Variants in SOX6 observed in about 807,000 individuals in gnomAD.
SOX6 encodes the protein transcription factor SOX-6.
A neutral mutation model predicts 97.8 loss-of-function variants in SOX6; 11 were observed. The observed-to-expected ratio is 0.11, with a 90% confidence interval of 0.07 to 0.19. The LOEUF is 0.19. Ranked by LOEUF, SOX6 falls within the 10% of genes least tolerant of loss-of-function variation. SOX6 has a pLI of 1.00. For synonymous variants in SOX6, 360 were observed against 371.4 expected, an observed-to-expected ratio of 0.97 and a Z score of 0.35; for missense variants, 810 against 1,039.5, an observed-to-expected ratio of 0.78 and a Z score of 3.04.
At chr11:15,990,211 G>A (rs1208888484) in intron 13 of SOX6, among the ~76,000 whole-genome samples, 3 of 151,852 alleles carry the variant, frequency 2.0e-5, no homozygotes, top group Non-Finnish European at 2.9e-5. Context: ...TGATTATGCT[G>A]TACTTATTCT....
At chr11:16,190,232 A>C (rs1424516959) in intron 4 of SOX6, among the ~76,000 whole-genome samples, 1 of 152,240 alleles carries the variant, frequency 6.6e-6, no homozygotes, top group Non-Finnish European at 1.5e-5. Context: ...ACGTTTAAGA[A>C]GAAAATGCAG....
At chr11:16,214,008 A>T (rs1852299108) in intron 4 of SOX6, among the ~76,000 whole-genome samples, 1 of 152,224 alleles carries the variant, frequency 6.6e-6, no homozygotes, top group African/African-American at 2.4e-5. Context: ...ATAGAAGAAC[A>T]CTGTCCAATA....
At chr11:16,318,983 A>T (rs1281338348) in intron 2 of SOX6, among the ~76,000 whole-genome samples, 3 of 152,192 alleles carry the variant, frequency 2.0e-5, no homozygotes, top group Non-Finnish European at 2.9e-5. Flanking sequence ...CCTTTCATTC[A>T]AATTAGTTCA....
intron 6 of SOX6, among the ~76,000 whole-genome samples, chr11:16,135,015 T>C (rs546333652): frequency 1.3e-5 from 2 of 152,330 alleles, no homozygotes; most frequent in South Asian, 2.1e-4. Context: ...TTTACCATTC[T>C]GAAAATCCTA....
chr11:16,527,426 C>T (rs1861183444), intron 4 of SOX6, among the ~76,000 whole-genome samples: 1 of 151,992 alleles, frequency 6.6e-6, no homozygotes, highest in Non-Finnish European at 1.5e-5. Context: ...TATACTTGCT[C>T]AGTAATCCTG....
At chr11:16,015,446 G>T (rs993621959) in intron 12 of SOX6, 1 of 202,656 alleles carries the variant, frequency 4.9e-6, no homozygotes, top group African/African-American at 2.3e-5. Context: ...CTCATTTAGA[G>T]ATCATAGTTT....
chr11:16,151,163 T>C (rs17536538), intron 6 of SOX6, among the ~76,000 whole-genome samples: 10,191 of 152,190 alleles, frequency 0.067, 392 homozygotes, highest in Non-Finnish European at 0.096. Context: ...TTTAATGACA[T>C]TGGGTCACAG....
chr11:16,276,486 A>C (rs1420743272), intron 3 of SOX6, among the ~76,000 whole-genome samples: 1 of 152,202 alleles, frequency 6.6e-6, no homozygotes, highest in African/African-American at 2.4e-5. Flanking sequence ...CATGGAAGAA[A>C]GCCTGCTATG....
chr11:16,119,750 C>T (rs184540456), intron 6 of SOX6, among the ~76,000 whole-genome samples: 1 of 152,306 alleles, frequency 6.6e-6, no homozygotes, highest in Non-Finnish European at 1.5e-5. Context: ...TGTAATCATT[C>T]TCATTCCAGA....
intron 4 of SOX6, among the ~76,000 whole-genome samples, chr11:16,583,616 T>TATATATATATATATACACACACACAC (rs1565186396): frequency 0.028 from 1,451 of 52,416 alleles, 42 homozygotes; most frequent in African/African-American, 0.11. Context: ...TATATATACA[T>TATATATATATATATACACACACACAC]ATATATATAT....
intron 1 of SOX6, among the ~76,000 whole-genome samples, chr11:16,387,006 A>C (rs956421347): frequency 6.6e-6 from 1 of 152,174 alleles, no homozygotes; most frequent in African/African-American, 2.4e-5. Flanking sequence ...TAATAAACTT[A>C]CCATTTGTAA....
chr11:16,045,449 C>T (rs1855799594), intron 12 of SOX6, among the ~76,000 whole-genome samples: 1 of 152,150 alleles, frequency 6.6e-6, no homozygotes, highest in African/African-American at 2.4e-5. Context: ...CAATCTTCCA[C>T]AGTAGGCAGA....
At chr11:16,687,103 C>A (rs565143304) in intron 3 of SOX6, among the ~76,000 whole-genome samples, 2 of 152,282 alleles carry the variant, frequency 1.3e-5, no homozygotes, top group African/African-American at 4.8e-5. Flanking sequence ...CCAGCCTGGA[C>A]AACAGAAGAA....
chr11:16,541,558 A>G (rs1358589069), intron 4 of SOX6, among the ~76,000 whole-genome samples: 2 of 152,206 alleles, frequency 1.3e-5, no homozygotes, highest in South Asian at 2.1e-4. Flanking sequence ...AATTTTTGCA[A>G]TCTACCCATC....
intron 2 of SOX6, among the ~76,000 whole-genome samples, 195 bp downstream of exon 2, chr11:16,340,817 C>T (rs535091996): frequency 8.6e-5 from 13 of 152,032 alleles, no homozygotes; most frequent in African/African-American, 2.7e-4. Flanking sequence ...TAATAATAAA[C>T]GTATATACAC....
chr11:16,522,041 G>C (rs1389069658), intron 4 of SOX6, among the ~76,000 whole-genome samples: 2 of 152,186 alleles, frequency 1.3e-5, no homozygotes, highest in Admixed American at 6.5e-5. Flanking sequence ...ATGGAACCAA[G>C]TTGGAAAACA....
chr11:16,173,173 G>T (rs1245632261), intron 6 of SOX6, among the ~76,000 whole-genome samples: 1 of 151,888 alleles, frequency 6.6e-6, no homozygotes, highest in Non-Finnish European at 1.5e-5. Flanking sequence ...GTGAAGTTAG[G>T]CTCTTGAAGT....
upstream of SOX6, among the ~76,000 whole-genome samples, chr11:16,477,342 T>C (rs1177769505): frequency 3.9e-5 from 6 of 152,092 alleles, no homozygotes; most frequent in Non-Finnish European, 8.8e-5. Context: ...TTAAATAAAA[T>C]CCTTCTGAAA....
chr11:16,731,584 T>C (rs1848350567), intron 2 of SOX6, among the ~76,000 whole-genome samples: 1 of 152,184 alleles, frequency 6.6e-6, no homozygotes, highest in Non-Finnish European at 1.5e-5. Context: ...TAGATATTGA[T>C]GGAATGTATC....
Sources: allele counts gnomAD v4.1 joint callset (sites outside exome capture counted in the v4.1 genomes callset), GRCh38; gene constraint gnomAD v4.1.1; transcripts MANE v1.5; gene names NCBI Gene and HGNC (gene_info 2026-07-23, HGNC 2026-07-21).